Variants in DNAJC21 observed in about 807,000 individuals in gnomAD.
DNAJC21 encodes the protein DnaJ heat shock protein family (Hsp40) member C21.
Under a neutral mutation model 72.4 loss-of-function variants are expected in DNAJC21, and 63 were observed. The ratio of observed to expected loss-of-function variants is 0.87; its 90% confidence interval spans 0.71 to 1.07. DNAJC21 has a LOEUF of 1.07. DNAJC21 is among the 50% of genes least tolerant of loss of function. The pLI is 0.00. For synonymous variants in DNAJC21, 203 were observed against 216.7 expected, an observed-to-expected ratio of 0.94 and a Z score of 0.56; for missense variants, 634 against 644.8, an observed-to-expected ratio of 0.98 and a Z score of 0.18.
chr5:34,940,794 A>C (rs113113223), intron 6 of DNAJC21, among the ~76,000 whole-genome samples: 180 of 152,232 alleles, frequency 1.2e-3, no homozygotes, highest in African/African-American at 4.1e-3. Context: ...TTTTTGAAAA[A>C]CTGCTTCGTG....
intron 10 of DNAJC21, 75 bp from the exon 11 acceptor site, chr5:34,953,851 C>A: frequency 2.6e-6 from 3 of 1,144,608 alleles, no homozygotes; most frequent in Non-Finnish European, 3.7e-6. Context: ...TTTGAGTGTT[C>A]TAGAGAGCAC....
chr5:34,951,083 G>A, intron 10 of DNAJC21: 1 of 985,534 alleles, frequency 1.0e-6, no homozygotes, highest in Non-Finnish European at 1.2e-6. Flanking sequence ...TGATGGGGTG[G>A]GGAGTGTGTG....
At chr5:34,937,030 C>A (rs951745231) in intron 4 of DNAJC21, among the ~76,000 whole-genome samples, 4 of 152,186 alleles carry the variant, frequency 2.6e-5, no homozygotes, top group Admixed American at 2.6e-4. Context: ...GGATTACAGG[C>A]GTGAGCCACC....
rs778579354 is a variant in DNAJC21, at chr5:34,935,789, T to C, written c.271T>C (p.Tyr91His). 2 of 1,614,074 alleles carry C rather than the reference T, an allele frequency of 1.2e-6. No homozygotes were observed. Among genetic ancestry groups the C allele is most frequent in the Non-Finnish European group, 8.5e-7 (1 of 1,179,972 alleles). ...AGATGACAGCTTAGATTTGCTACGC[T>C]ATTTCACCGTTACCTGTTATTCTGG... ...YQDDSLDLLR[Y>H]FTVTCYSGYG... is the part of the protein sequence containing the mutation. Residue 91 changes from tyrosine (Y) to histidine (H), a missense_variant, in exon 3 of 12, where the codon TAT becomes CAT. By Grantham distance (83) the Tyr-to-His change is moderately conservative. Coordinates refer to ENST00000648817, the MANE Select transcript of DNAJC21 (RefSeq NM_001012339.3).
At position 34,929,765 on chromosome 5, in the gene DNAJC21, C is replaced by T. The variant is rs963949913; in HGVS notation, c.-55C>T. 322 of 978,384 alleles carry T rather than the reference C, an allele frequency of 3.3e-4. 1 individual carries two copies. In the African/African-American group the frequency reaches 3.7e-3, roughly 11 times the overall value. 60.6% of individuals were successfully genotyped at this position (978,384 alleles called of 1,614,324 possible). A position where few individuals can be genotyped will look rare whatever the true frequency, so the allele number is the denominator to read the frequency against. On this transcript the variant is annotated 5_prime_UTR_variant, in exon 1 of 12. Transcript: ENST00000648817. The stretch of plus-strand genomic sequence containing the variant: ...GCCGCCGCCGCCGCTTCGGCCCGGG[C>T]CCGGGCCCCGACCCCGTCCCGGGCC...
chr5:34,937,365 A>G lies in DNAJC21; in HGVS notation c.478A>G (p.Thr160Ala). The G allele has an allele frequency of 1.9e-6, 3 of 1,613,666 alleles. No individual in the cohort carries two copies. The highest frequency in any genetic ancestry group is 2.5e-6 in the Non-Finnish European group (3 of 1,179,864). Residue 160 changes from threonine (T) to alanine (A), a missense_variant, in exon 5 of 12, where the codon ACT (threonine) becomes GCT (alanine). Thr to Ala is a moderately conservative substitution (Grantham distance 58). Transcript: ENST00000648817. Reference sequence around the variant, plus strand: ...CTACGCTTATTGGCAGAGTTTCTGCACTCAAAAGAATTTTGCATGGAAGGA... The same window carrying G: ...CTACGCTTATTGGCAGAGTTTCTGCGCTCAAAAGAATTTTGCATGGAAGGA... ...PFYAYWQSFCTQKNFAWKEEY... is the reference protein window; with the variant it reads ...PFYAYWQSFCAQKNFAWKEEY...
intron 6 of DNAJC21, among the ~76,000 whole-genome samples, chr5:34,940,245 T>C (rs1764942365): frequency 6.6e-6 from 1 of 152,206 alleles, no homozygotes; most frequent in Non-Finnish European, 1.5e-5. Flanking sequence ...ACTATTCGAT[T>C]AATTAAAATT....
At chr5:34,951,375 C>T in intron 10 of DNAJC21, 1 of 985,432 alleles carries the variant, frequency 1.0e-6, no homozygotes, top group African/African-American at 1.7e-5. Flanking sequence ...ACACTTCATT[C>T]CATCTGCCTG....
chr5:34,935,811 C>T lies in DNAJC21; in HGVS notation c.293C>T (p.Ser98Phe). The change falls in exon 3 of 12, where the codon TCT becomes TTT. Residue 98 changes from serine (S) to phenylalanine (F), a missense_variant. Physicochemically the swap from Ser to Phe is radical, Grantham distance 155. Transcript: ENST00000648817. ...LLRYFTVTCYSGYGDDEKGFY... is the reference protein window; with the variant it reads ...LLRYFTVTCYFGYGDDEKGFY... ...CGCTATTTCACCGTTACCTGTTATT[C>T]TGGTTATGGAGATGATGAAAAGGTA... is the stretch of plus-strand genomic sequence containing the variant. 1 of 1,613,944 alleles carries T rather than the reference C, an allele frequency of 6.2e-7. No individual in the cohort carries two copies. Among genetic ancestry groups the T allele is most frequent in the Non-Finnish European group, 8.5e-7 (1 of 1,179,960 alleles).
intron 7 of DNAJC21, among the ~76,000 whole-genome samples, chr5:34,942,835 G>A (rs954469088): frequency 3.9e-5 from 6 of 152,168 alleles, no homozygotes; most frequent in African/African-American, 1.4e-4. Context: ...TTGGGAGGTT[G>A]AGGTGGACAG....
Position 34,936,871 on chromosome 5 carries a change from C to G in DNAJC21, c.439-455C>G, listed in dbSNP as rs112411275. Among the ~76,000 whole-genome samples the G allele has an allele frequency of 2.9e-3, 442 of 152,300 alleles. 1 individual carries two copies. Among genetic ancestry groups the G allele is most frequent in the African/African-American group, 0.01 (424 of 41,564 alleles). ...GTTCAAGCGATTCTCCTGCCTCAGC[C>G]TCCCAGGTAGCTGGGATTACAGGCT... is the stretch of plus-strand genomic sequence containing the variant. On this transcript the variant is annotated intron_variant, in intron 4 of 11. Transcript: ENST00000648817.
intron 9 of DNAJC21, among the ~76,000 whole-genome samples, chr5:34,947,536 A>G (rs186875745): frequency 8.8e-4 from 132 of 150,796 alleles, no homozygotes; most frequent in African/African-American, 3.1e-3. Flanking sequence ...TTTCCCCTAT[A>G]TTTTTTCTAA....
chr5:34,943,500 A>G (rs1456652808), intron 7 of DNAJC21, among the ~76,000 whole-genome samples: 1 of 152,132 alleles, frequency 6.6e-6, no homozygotes, highest in African/African-American at 2.4e-5. Flanking sequence ...GGTGTCATCT[A>G]ATTTTACTAC....
intron 10 of DNAJC21, chr5:34,950,914 T>G (rs1035780835): frequency 2.0e-6 from 2 of 985,420 alleles, no homozygotes; most frequent in Non-Finnish European, 2.4e-6. Flanking sequence ...TTCCCCATCC[T>G]CCTCGGTTCC....
chr5:34,937,560 G>T lies in DNAJC21; in HGVS notation c.673G>T (p.Glu225Ter), dbSNP rs556917839. The T allele has an allele frequency of 1.9e-6, 3 of 1,613,982 alleles. No individual in the cohort carries two copies. The highest frequency in any genetic ancestry group is 2.5e-6 in the Non-Finnish European group (3 of 1,179,888). ...KRVQAHRKLV[E>*]EQNAEKARKA... is the part of the protein sequence containing the mutation. ...AGTGCAGGCGCATCGAAAACTTGTG[G>T]AAGAACAGAATGCAGAGAAGGCGAG... The change falls in exon 5 of 12, where the codon GAA becomes TAA. Residue 225 changes from glutamate (E) to a stop codon, truncating the protein, a stop_gained. Coordinates refer to ENST00000648817, the MANE Select transcript of DNAJC21 (RefSeq NM_001012339.3). LOFTEE classifies it high-confidence loss of function.
In DNAJC21 at chr5:34,949,752, A is replaced by G. The variant is rs1035079479; in HGVS notation, c.1186-418A>G. The G allele has an allele frequency of 6.9e-6, 11 of 1,590,690 alleles. No individual in the cohort carries two copies. In the African/African-American group the frequency reaches 1.5e-4, roughly 21 times the overall value. Reference sequence around the variant, plus strand: ...TGTTGTTGCCATTGTTTGTGACTGTAGAAGAATAGTTGCTCATTGCTTATC... The same window carrying G: ...TGTTGTTGCCATTGTTTGTGACTGTGGAAGAATAGTTGCTCATTGCTTATC... On this transcript the variant is annotated intron_variant, in intron 9 of 11. Transcript: ENST00000648817.
chr5:34,941,981 G>T (rs564278440), intron 7 of DNAJC21, among the ~76,000 whole-genome samples: 1 of 152,028 alleles, frequency 6.6e-6, no homozygotes, highest in East Asian at 1.9e-4. Flanking sequence ...TTCCAGCAGG[G>T]TAGAAAGAGG....
rs1292601469 is a variant in DNAJC21, at chr5:34,945,790, A to C, written c.1172A>C (p.Gln391Pro). Residue 391 changes from glutamine (Q) to proline (P), a missense_variant, in exon 9 of 12, where the codon CAG becomes CCG. Transcript: ENST00000648817. ...KLSKKQKKKK[Q>P]KPAQNYDDNF... Reference sequence around the variant, plus strand: ...TCTAAAAAACAGAAGAAAAAGAAACAGAAACCAGCACAGGTATGTTAGAAA... The same window carrying C: ...TCTAAAAAACAGAAGAAAAAGAAACCGAAACCAGCACAGGTATGTTAGAAA... The C allele has an allele frequency of 6.3e-7, 1 of 1,594,224 alleles. No homozygotes were observed. Among genetic ancestry groups the C allele is most frequent in the East Asian group, 2.3e-5 (1 of 44,238 alleles).
chr5:34,944,485 C>A (rs896680280), intron 7 of DNAJC21, among the ~76,000 whole-genome samples: 1 of 152,188 alleles, frequency 6.6e-6, no homozygotes, highest in South Asian at 2.1e-4. Context: ...AAAACAATGG[C>A]GGAAGCTTTA....
Sources: allele counts gnomAD v4.1 joint callset (sites outside exome capture counted in the v4.1 genomes callset), GRCh38; gene constraint gnomAD v4.1.1; transcripts MANE v1.5; gene names NCBI Gene and HGNC (gene_info 2026-07-23, HGNC 2026-07-21).